The following BRINP3 variants were observed in gnomAD, a reference collection of about 807,000 sequenced individuals.
BRINP3 encodes BMP/retinoic acid-inducible neural-specific protein 3.
In BRINP3, 19 loss-of-function variants were observed where a neutral mutation model predicts 71.0. That is an observed-to-expected ratio of 0.27 (90% CI 0.19 to 0.39). The LOEUF (loss-of-function observed/expected upper bound fraction) is 0.39. Among genes scored for constraint, BRINP3 ranks in the 10% least tolerant of loss-of-function variants. BRINP3 has a pLI of 1.00. For missense variants in BRINP3, 959 were observed against 940.8 expected, an observed-to-expected ratio of 1.02 and a Z score of -0.25; for synonymous variants, 380 against 337.7, an observed-to-expected ratio of 1.13 and a Z score of -1.37.
chr1:190,105,906 C>T (rs1274474815), intron 7 of BRINP3, among the ~76,000 whole-genome samples: 1 of 151,852 alleles, frequency 6.6e-6, no homozygotes, highest in Non-Finnish European at 1.5e-5. Flanking sequence ...AACACAATTA[C>T]TTTTCTGGAA....
At chr1:190,226,699 A>G (rs1054412866) in intron 5 of BRINP3, among the ~76,000 whole-genome samples, 2 of 151,992 alleles carry the variant, frequency 1.3e-5, no homozygotes, top group African/African-American at 4.8e-5. Context: ...ATGGTTTTCA[A>G]TATTTTCATT....
At chr1:190,261,191 T>C (rs1661153635) in intron 4 of BRINP3, among the ~76,000 whole-genome samples, 1 of 152,008 alleles carries the variant, frequency 6.6e-6, no homozygotes, top group South Asian at 2.1e-4. Context: ...CCGTCAATTA[T>C]ATAGCATTAA....
intron 6 of BRINP3, among the ~76,000 whole-genome samples, chr1:190,169,503 G>A (rs1260590558): frequency 6.6e-6 from 1 of 152,124 alleles, no homozygotes; most frequent in African/African-American, 2.4e-5. Flanking sequence ...TATCCAATCC[G>A]ATGTCTTTAA....
At chr1:190,464,308 T>C (rs1361360722) in intron 1 of BRINP3, among the ~76,000 whole-genome samples, 1 of 151,922 alleles carries the variant, frequency 6.6e-6, no homozygotes, top group Non-Finnish European at 1.5e-5. Flanking sequence ...CAAAGACAAA[T>C]GTCTTGGTGT....
At position 190,098,015 on chromosome 1, in the gene BRINP3, T is replaced by C. The variant is rs1347553996; in HGVS notation, c.*3A>G. On this transcript the variant is annotated 3_prime_UTR_variant, in exon 8 of 8. Coordinates refer to ENST00000367462, the MANE Select transcript of BRINP3 (RefSeq NM_199051.3). ...GATTTTGGGTTGTGCTTGACATTTA[T>C]GGTTAACTACATAATTTGGTCGTGT... The C allele has an allele frequency of 1.9e-6, 3 of 1,594,218 alleles. No individual in the cohort carries two copies. The highest frequency in any genetic ancestry group is 1.1e-5 in the South Asian group (1 of 88,612).
At chr1:190,400,532 G>A (rs74130738) in intron 2 of BRINP3, among the ~76,000 whole-genome samples, 3,281 of 152,202 alleles carry the variant, frequency 0.022, 123 homozygotes, top group African/African-American at 0.074. Context: ...TTTAGTCAGC[G>A]TGAGGTTTCA....
Position 190,189,117 on chromosome 1 carries a change from G to A in BRINP3, c.962-28227C>T, listed in dbSNP as rs1468299701. 2.0e-5 allele frequency among the ~76,000 whole-genome samples: 3 copies of A among 152,038 alleles called. No homozygotes were observed. In the East Asian group the frequency reaches 5.8e-4, roughly 29 times the overall value. On this transcript the variant is annotated intron_variant, in intron 6 of 7. Coordinates refer to ENST00000367462, the MANE Select transcript of BRINP3 (RefSeq NM_199051.3). ...GGCCTATAATTTTGTTTTCCTTAGT[G>A]TCTTTACCTGGATTTGCTATAAGGA...
At chr1:190,193,000 T>C (rs1654181146) in intron 6 of BRINP3, among the ~76,000 whole-genome samples, 1 of 152,180 alleles carries the variant, frequency 6.6e-6, no homozygotes, top group Non-Finnish European at 1.5e-5. Context: ...GTCTGCCTTA[T>C]GCAGAAGTCA....
intron 6 of BRINP3, among the ~76,000 whole-genome samples, chr1:190,206,880 C>T (rs968831731): frequency 6.0e-5 from 9 of 150,410 alleles, no homozygotes; most frequent in Non-Finnish European, 8.9e-5. Context: ...TAGTTGTAGG[C>T]AAATACCTGA....
chr1:190,397,096 T>A (rs377049376), intron 2 of BRINP3, among the ~76,000 whole-genome samples: 1 of 152,088 alleles, frequency 6.6e-6, no homozygotes. Context: ...TGACTACCTC[T>A]GGACTCAAAA....
intron 2 of BRINP3, among the ~76,000 whole-genome samples, chr1:190,423,079 C>A (rs1215043363): frequency 6.6e-6 from 1 of 151,638 alleles, no homozygotes; most frequent in South Asian, 2.1e-4. Context: ...TTGCTAGACC[C>A]CAGACCCTTC....
intron 7 of BRINP3, among the ~76,000 whole-genome samples, chr1:190,138,316 A>C (rs1655145798): frequency 1.3e-5 from 2 of 152,168 alleles, no homozygotes; most frequent in Admixed American, 1.3e-4. Flanking sequence ...TATTAGTGTT[A>C]TGAGAATCTT....
At chr1:190,267,864 G>A (rs1259853505) in intron 3 of BRINP3, among the ~76,000 whole-genome samples, 2 of 152,072 alleles carry the variant, frequency 1.3e-5, no homozygotes, top group Non-Finnish European at 1.5e-5. Flanking sequence ...ATAGTTCACA[G>A]TGGATTTTTG....
intron 2 of BRINP3, among the ~76,000 whole-genome samples, chr1:190,415,048 C>A (rs146936110): frequency 6.6e-6 from 1 of 152,246 alleles, no homozygotes; most frequent in East Asian, 1.9e-4. Flanking sequence ...GATTTATATA[C>A]ATAAATTGCA....
At chr1:190,338,831 A>G (rs1667461220) in intron 2 of BRINP3, among the ~76,000 whole-genome samples, 1 of 151,882 alleles carries the variant, frequency 6.6e-6, no homozygotes, top group African/African-American at 2.4e-5. Context: ...AAGAAAAACT[A>G]TCATATAGGA....
intron 2 of BRINP3, among the ~76,000 whole-genome samples, chr1:190,448,155 A>G (rs1269783832): frequency 6.6e-6 from 1 of 151,802 alleles, no homozygotes; most frequent in Non-Finnish European, 1.5e-5. Flanking sequence ...ATGTAGTACT[A>G]TTAAAACTGA....
chr1:190,244,430 G>A (rs957252153), intron 4 of BRINP3, among the ~76,000 whole-genome samples: 1 of 152,046 alleles, frequency 6.6e-6, no homozygotes, highest in Non-Finnish European at 1.5e-5. Flanking sequence ...CAAACTGCAA[G>A]CTGATGCTCC....
At chr1:190,314,268 A>G (rs1241820128) in intron 2 of BRINP3, among the ~76,000 whole-genome samples, 1 of 152,088 alleles carries the variant, frequency 6.6e-6, no homozygotes, top group Non-Finnish European at 1.5e-5. Flanking sequence ...GGGGAGTAAA[A>G]GAAGGTTTCC....
chr1:190,458,150 T>A (rs912595712), intron 1 of BRINP3, among the ~76,000 whole-genome samples: 13 of 152,108 alleles, frequency 8.5e-5, no homozygotes, highest in African/African-American at 3.1e-4. Context: ...TTCTGTTTTT[T>A]CTACTTCTGA....
Sources: allele counts gnomAD v4.1 joint callset (sites outside exome capture counted in the v4.1 genomes callset), GRCh38; gene constraint gnomAD v4.1.1; transcripts MANE v1.5; gene names NCBI Gene and HGNC (gene_info 2026-07-23, HGNC 2026-07-21).